The following NCMAP variants were observed in gnomAD, a reference collection of about 807,000 sequenced individuals.
NCMAP encodes the protein non-compact myelin associated protein.
Under a neutral mutation model 7.8 loss-of-function variants are expected in NCMAP, and 8 were observed. The ratio of observed to expected loss-of-function variants is 1.02; its 90% CI spans 0.60 to 1.84. The LOEUF (loss-of-function observed/expected upper bound fraction) is 1.84, where lower values mean the gene tolerates loss of function less well. NCMAP is among the 40% of genes most tolerant of loss of function. The pLI is 0.00. For synonymous variants in NCMAP, 41 were observed against 52.9 expected, an observed-to-expected ratio of 0.78 and a Z score of 0.98; for missense variants, 112 against 131.4, an observed-to-expected ratio of 0.85 and a Z score of 0.72.
chr1:24,608,271 C>G lies in NCMAP; in HGVS notation c.*2524C>G, dbSNP rs113043753. Reference sequence around the variant, plus strand: ...AGTCTGTCTTTTTTGTGAAGTCACACTCCTCTGCTGGCCCAGCTCAAAGCA... The same window carrying G: ...AGTCTGTCTTTTTTGTGAAGTCACAGTCCTCTGCTGGCCCAGCTCAAAGCA... On this transcript the variant is annotated 3_prime_UTR_variant, in exon 4 of 4. Transcript: ENST00000374392. 0.055 allele frequency: 8,314 copies of G among 152,296 alleles called. 773 individuals are homozygous for G. The highest frequency in any genetic ancestry group is 0.19 in the African/African-American group (7,874 of 41,498). The allele number at this position is 152,296 out of a possible 1,614,324, so 9.4% of individuals were successfully genotyped here. A position where few individuals can be genotyped will look rare whatever the true frequency, so the allele number is the denominator to read the frequency against.
intron 2 of NCMAP, among the ~76,000 whole-genome samples, chr1:24,596,826 A>G (rs771635953): frequency 3.9e-5 from 6 of 152,230 alleles, no homozygotes; most frequent in African/African-American, 7.2e-5. Context: ...GCCGTGAACT[A>G]GTGGCCCCGG....
chr1:24,597,609 GAAAGAAAGAGAA>G (rs1652282755), intron 2 of NCMAP, among the ~76,000 whole-genome samples: 1 of 81,330 alleles, frequency 1.2e-5, no homozygotes, highest in South Asian at 4.9e-4. Flanking sequence ...AAGAAAGAAA[GAAAGAAAGAGAA>G]AGAAAGAAAG....
chr1:24,580,222 C>T (rs536221090), intron 1 of NCMAP, among the ~76,000 whole-genome samples: 9 of 152,306 alleles, frequency 5.9e-5, no homozygotes, highest in South Asian at 2.1e-4. Flanking sequence ...GCTAATGCAA[C>T]GGAGACACTA....
intron 1 of NCMAP, among the ~76,000 whole-genome samples, chr1:24,560,520 G>A (rs1651020088): frequency 6.6e-6 from 1 of 152,208 alleles, no homozygotes; most frequent in Non-Finnish European, 1.5e-5. Context: ...CAAGGCAGGA[G>A]GATCACTTGA....
At chr1:24,568,834 G>A (rs1651302826) in intron 1 of NCMAP, among the ~76,000 whole-genome samples, 1 of 152,044 alleles carries the variant, frequency 6.6e-6, no homozygotes, top group Admixed American at 6.6e-5. Flanking sequence ...TATTGCCCAG[G>A]CTGGACTCAA....
chr1:24,602,143 G>A (rs1019278953), intron 3 of NCMAP, among the ~76,000 whole-genome samples: 1 of 151,934 alleles, frequency 6.6e-6, no homozygotes, highest in African/African-American at 2.4e-5. Flanking sequence ...TATATACATG[G>A]TAATCTCAAT....
intron 1 of NCMAP, among the ~76,000 whole-genome samples, chr1:24,578,564 T>C (rs796493145): frequency 5.8e-4 from 73 of 125,412 alleles, no homozygotes; most frequent in African/African-American, 1.8e-3. Flanking sequence ...TTCTTTCTTT[T>C]TTTTTTTTTT....
At chr1:24,561,271 G>T (rs1430545570) in intron 1 of NCMAP, among the ~76,000 whole-genome samples, 2 of 151,480 alleles carry the variant, frequency 1.3e-5, no homozygotes, top group African/African-American at 4.9e-5. Flanking sequence ...CACTTGAATG[G>T]GGGAGGCGGA....
intron 2 of NCMAP, among the ~76,000 whole-genome samples, chr1:24,599,502 C>A (rs1324877693): frequency 6.6e-6 from 1 of 152,006 alleles, no homozygotes; most frequent in East Asian, 1.9e-4. Flanking sequence ...CATGGAAAGT[C>A]ATGAAGAAAA....
rs536995714 is a variant in NCMAP at position 24,556,845 on chromosome 1, C to T, written c.-8+676C>T. ...GTCTGGGAGAAGATTCTGGAAGGCCCCTTGGAGGAGGTGGCATCTGAGTGG... is the reference window on the plus strand; with the variant it reads ...GTCTGGGAGAAGATTCTGGAAGGCCTCTTGGAGGAGGTGGCATCTGAGTGG... On this transcript the variant is annotated intron_variant, in intron 1 of 3. Transcript: ENST00000374392. Among the ~76,000 whole-genome samples, 6 of 152,064 alleles carry T rather than the reference C, an allele frequency of 3.9e-5. No individual in the cohort carries two copies. The South Asian group carries it at 1.2e-3, about 32-fold the overall frequency.
chr1:24,574,466 C>T lies in NCMAP; in HGVS notation c.-8+18297C>T, dbSNP rs989402235. Among the ~76,000 whole-genome samples the T allele has an allele frequency of 3.3e-5, 5 of 152,120 alleles. No individual in the cohort carries two copies. In the East Asian group the frequency reaches 5.8e-4, roughly 18 times the overall value. ...TCAGTGTCCCTGGTGCTGAGGCCTT[C>T]GGGCTTGGACTGAGCCACGCTCCTG... On this transcript the variant is annotated intron_variant, in intron 1 of 3. Transcript: ENST00000374392.
chr1:24,583,968 C>T (rs993376341), intron 1 of NCMAP, among the ~76,000 whole-genome samples: 4 of 152,272 alleles, frequency 2.6e-5, no homozygotes, highest in South Asian at 2.1e-4. Flanking sequence ...AGACCTGCCT[C>T]GCTGTGTGGA....
rs1357928597 is a variant in NCMAP at position 24,607,355 on chromosome 1, T to C, written c.*1608T>C. On this transcript the variant is annotated 3_prime_UTR_variant, in exon 4 of 4. Coordinates refer to ENST00000374392, the MANE Select transcript of NCMAP (RefSeq NM_001010980.5). The stretch of plus-strand genomic sequence containing the variant: ...TTTTTTTTCAATTGCAAGATAGACA[T>C]TTCTTCACATTTTAATGATTCTGAA... 1 of 151,540 alleles carries C rather than the reference T, an allele frequency of 6.6e-6. No individual in the cohort carries two copies. Among genetic ancestry groups the C allele is most frequent in the African/African-American group, 2.4e-5 (1 of 40,942 alleles). The allele number at this position is 151,540 out of a possible 1,614,324, so 9.4% of individuals were successfully genotyped here. A position where few individuals can be genotyped will look rare whatever the true frequency, so the allele number is the denominator to read the frequency against.
intron 1 of NCMAP, among the ~76,000 whole-genome samples, chr1:24,570,589 A>G (rs951024905): frequency 2.6e-5 from 4 of 151,054 alleles, no homozygotes; most frequent in Non-Finnish European, 5.9e-5. Context: ...TGGGATTCAG[A>G]TCCAGGTCAG....
chr1:24,604,324 C>T (rs992369393), intron 3 of NCMAP, among the ~76,000 whole-genome samples: 6 of 151,770 alleles, frequency 4.0e-5, no homozygotes, highest in East Asian at 1.9e-4. Context: ...CCTATAATCC[C>T]GGCACCCCAG....
At chr1:24,572,954 A>T (rs1354774761) in intron 1 of NCMAP, among the ~76,000 whole-genome samples, 1 of 150,558 alleles carries the variant, frequency 6.6e-6, no homozygotes, top group Non-Finnish European at 1.5e-5. Context: ...AGCAGAATGG[A>T]GTTTGATAAG....
At chr1:24,597,692 AAG>A (rs370978334) in intron 2 of NCMAP, among the ~76,000 whole-genome samples, 2,684 of 95,714 alleles carry the variant, frequency 0.028, 67 homozygotes, top group Middle Eastern at 0.049. Flanking sequence ...GAAAGAAAGA[AAG>A]AGAAAGAAGG....
chr1:24,557,497 C>T (rs1650933424), intron 1 of NCMAP, among the ~76,000 whole-genome samples: 1 of 151,998 alleles, frequency 6.6e-6, no homozygotes, highest in African/African-American at 2.4e-5. Flanking sequence ...TAGAAAGTGA[C>T]AGGCACAGCC....
chr1:24,597,439 G>A (rs367725600), intron 2 of NCMAP, among the ~76,000 whole-genome samples: 2 of 143,170 alleles, frequency 1.4e-5, no homozygotes, highest in African/African-American at 5.2e-5. Flanking sequence ...GGGAAGTGGA[G>A]GTTGCAGTGA....
Sources: gnomAD v4.1 joint callset for allele counts (sites outside exome capture counted in the v4.1 genomes callset) on GRCh38, gnomAD v4.1.1 for gene constraint, MANE v1.5 for transcripts, NCBI Gene and HGNC (gene_info 2026-07-23, HGNC 2026-07-21) for gene names.